SLC24A2: variants seen among roughly 807,000 people sequenced by gnomAD.
The protein encoded by SLC24A2 is sodium/potassium/calcium exchanger 2.
A neutral mutation model predicts 62.0 loss-of-function variants in SLC24A2; 36 were observed. The ratio of observed to expected loss-of-function variants is 0.58; its 90% CI spans 0.44 to 0.77. The LOEUF is 0.77. Ranked by LOEUF, SLC24A2 falls within the 30% of genes least tolerant of loss-of-function variation. The probability of loss-of-function intolerance (pLI) is 0.00; values close to 1 mark genes in which losing one functional copy is unlikely to be tolerated. For synonymous variants in SLC24A2, 358 were observed against 294.0 expected (o/e 1.22, Z -2.23); for missense variants, 846 against 817.9 (o/e 1.03, Z -0.42).
rs1336521801 is a variant in SLC24A2 at position 19,785,923 on chromosome 9, C to A, written c.930+14G>T. On this transcript the variant is annotated intron_variant, in intron 2 of 10. Transcript: ENST00000341998. ...GTCAAGAAAAGCATTAAATAAAAAT[C>A]CACCACCACCAACCTTTGCTTGGGC... 3.2e-5 allele frequency: 51 copies of A among 1,613,938 alleles called. No individual in the cohort carries two copies. The highest frequency in any genetic ancestry group is 4.2e-5 in the Non-Finnish European group (50 of 1,179,942).
At chr9:20,104,162 A>T in the SLC24A2 span, among the ~76,000 whole-genome samples, 1 of 152,214 alleles carries the variant, frequency 6.6e-6, no homozygotes, top group African/African-American at 2.4e-5. Context: ...AATAATAAAA[A>T]GAAATGAACA....
At chr9:19,776,284 CAG>C (rs1309442268) in intron 2 of SLC24A2, among the ~76,000 whole-genome samples, 1 of 152,210 alleles carries the variant, frequency 6.6e-6, no homozygotes, top group Non-Finnish European at 1.5e-5. Context: ...AGTTTGAAAT[CAG>C]ACAGGCTCAA....
the SLC24A2 span, among the ~76,000 whole-genome samples, chr9:19,858,650 T>C: frequency 6.6e-6 from 1 of 152,126 alleles, no homozygotes; most frequent in Non-Finnish European, 1.5e-5. Flanking sequence ...TAAATGAATT[T>C]ATAAGCAAAA....
the SLC24A2 span, among the ~76,000 whole-genome samples, chr9:20,263,430 G>A: frequency 4.6e-5 from 7 of 152,068 alleles, no homozygotes; most frequent in African/African-American, 1.7e-4. Flanking sequence ...TAAATTTTTT[G>A]TAGAGACTGG....
At chr9:20,163,712 T>G in the SLC24A2 span, among the ~76,000 whole-genome samples, 3 of 151,984 alleles carry the variant, frequency 2.0e-5, no homozygotes, top group Non-Finnish European at 2.9e-5. Context: ...GGAGGCATCA[T>G]GCTACCTGAC....
intron 2 of SLC24A2, among the ~76,000 whole-genome samples, chr9:19,703,685 A>G (rs1820422963): frequency 6.6e-6 from 1 of 152,190 alleles, no homozygotes; most frequent in South Asian, 2.1e-4. Context: ...AAACCATTTC[A>G]AGTGATAACA....
chr9:20,187,403 C>T, the SLC24A2 span, among the ~76,000 whole-genome samples: 6 of 152,180 alleles, frequency 3.9e-5, no homozygotes, highest in Admixed American at 6.5e-5. Context: ...CCTGACCCCC[C>T]GTTGCTTACT....
chr9:19,691,147 A>G (rs1587159961), intron 2 of SLC24A2, among the ~76,000 whole-genome samples: 1 of 152,188 alleles, frequency 6.6e-6, no homozygotes, highest in Admixed American at 6.6e-5. Context: ...GGTGTGAACA[A>G]GAAAGGATGA....
the SLC24A2 span, among the ~76,000 whole-genome samples, chr9:19,911,087 T>G: frequency 1.6e-3 from 178 of 110,678 alleles, 2 homozygotes; most frequent in Middle Eastern, 0.027. Flanking sequence ...CCCACAACAG[T>G]CCCCAGAGTG....
chr9:20,000,153 A>G, the SLC24A2 span, among the ~76,000 whole-genome samples: 1 of 152,208 alleles, frequency 6.6e-6, no homozygotes, highest in Non-Finnish European at 1.5e-5. Flanking sequence ...TCCTACTTTA[A>G]AAGATTTTAA....
At chr9:19,966,893 T>C in the SLC24A2 span, among the ~76,000 whole-genome samples, 1 of 152,154 alleles carries the variant, frequency 6.6e-6, no homozygotes, top group Non-Finnish European at 1.5e-5. Context: ...TGACTACAAA[T>C]AAATAAAAAT....
chr9:19,919,990 A>G, the SLC24A2 span, among the ~76,000 whole-genome samples: 1 of 151,614 alleles, frequency 6.6e-6, no homozygotes, highest in African/African-American at 2.4e-5. Flanking sequence ...GAAAAATTAT[A>G]ATGGAATGGA....
the SLC24A2 span, among the ~76,000 whole-genome samples, chr9:19,948,459 G>A: frequency 2.0e-5 from 3 of 152,126 alleles, no homozygotes; most frequent in Non-Finnish European, 4.4e-5. Context: ...AGAGAAAAAC[G>A]AAAATTTTAA....
chr9:19,871,156 G>T, the SLC24A2 span, among the ~76,000 whole-genome samples: 2 of 151,998 alleles, frequency 1.3e-5, no homozygotes, highest in African/African-American at 2.4e-5. Context: ...ATTTTTGGTT[G>T]GGAGTTCTTT....
intron 5 of SLC24A2, among the ~76,000 whole-genome samples, chr9:19,578,461 T>C (rs1033698173): frequency 6.6e-6 from 1 of 151,464 alleles, no homozygotes; most frequent in East Asian, 1.9e-4. Flanking sequence ...ATTCAAGGTA[T>C]AAAAAAATTC....
At chr9:19,740,142 G>C (rs555479959) in intron 2 of SLC24A2, among the ~76,000 whole-genome samples, 5 of 101,520 alleles carry the variant, frequency 4.9e-5, no homozygotes, top group African/African-American at 2.1e-4. Context: ...AGGTAAAATA[G>C]TACAACCACT....
chr9:19,671,294 A>T (rs989029328), intron 2 of SLC24A2, among the ~76,000 whole-genome samples: 6 of 150,516 alleles, frequency 4.0e-5, no homozygotes, highest in African/African-American at 7.3e-5. Context: ...TCAGTATTTT[A>T]TTATTATTAT....
chr9:19,586,141 T>G (rs1836363942), intron 5 of SLC24A2, among the ~76,000 whole-genome samples: 1 of 152,224 alleles, frequency 6.6e-6, no homozygotes, highest in African/African-American at 2.4e-5. Flanking sequence ...CTCATCCTTC[T>G]GGAAGCCTTC....
chr9:19,996,525 A>C, the SLC24A2 span, among the ~76,000 whole-genome samples: 5 of 152,110 alleles, frequency 3.3e-5, no homozygotes, highest in African/African-American at 1.2e-4. Flanking sequence ...GGATCACCTG[A>C]GGTCAGGAGT....
Sources: gnomAD v4.1 joint callset for allele counts (sites outside exome capture counted in the v4.1 genomes callset) on GRCh38, gnomAD v4.1.1 for gene constraint, MANE v1.5 for transcripts, NCBI Gene and HGNC (gene_info 2026-07-23, HGNC 2026-07-21) for gene names.